Variants in GAB3 observed in about 807,000 individuals in gnomAD.
The protein encoded by GAB3 is GRB2-associated-binding protein 3.
GAB3 carries 12 observed loss-of-function variants against 40.4 expected under a neutral mutation model. That is an observed-to-expected ratio of 0.30 (90% CI 0.19 to 0.48). The LOEUF is 0.48. Among genes scored for constraint, GAB3 ranks in the 20% least tolerant of loss-of-function variants. The probability of loss-of-function intolerance (pLI) is 0.99; values close to 1 mark genes in which losing one functional copy is unlikely to be tolerated. For synonymous variants in GAB3, 154 were observed against 176.7 expected (o/e 0.87, Z 1.02); for missense variants, 381 against 461.9 (o/e 0.82, Z 1.61).
chrX:154,730,013 C>T (rs2071269473), intron 1 of GAB3, among the ~76,000 whole-genome samples: 1 of 112,453 alleles, frequency 8.9e-6, no homozygotes, highest in African/African-American at 3.2e-5. Flanking sequence ...AGTTTTCAAG[C>T]TGGTTGCTCC....
chrX:154,690,826 T>G, intron 8 of GAB3, among the ~76,000 whole-genome samples: 1 of 108,909 alleles, frequency 9.2e-6, no homozygotes, highest in Non-Finnish European at 1.9e-5. Flanking sequence ...GGTGGGACTG[T>G]AAACTAGTTC....
intron 5 of GAB3, 48 bp from the exon 6 acceptor site, chrX:154,699,561 A>G (rs782299662): frequency 9.2e-7 from 1 of 1,081,855 alleles, no homozygotes; most frequent in Non-Finnish European, 1.3e-6. Flanking sequence ...AGTCATGGAA[A>G]CTGCTATCAG....
intron 8 of GAB3, among the ~76,000 whole-genome samples, chrX:154,683,230 C>T (rs2070399056): frequency 9.0e-6 from 1 of 111,264 alleles, no homozygotes; most frequent in African/African-American, 3.3e-5. Context: ...CTTGAGTAAC[C>T]CCCAATATTA....
chrX:154,695,857 A>G, intron 8 of GAB3, 60 bp downstream of exon 8: 1 of 661,260 alleles, frequency 1.5e-6, no homozygotes, highest in Non-Finnish European at 2.4e-6. Flanking sequence ...CTTTACAATG[A>G]GCTCATAAGA....
intron 1 of GAB3, among the ~76,000 whole-genome samples, chrX:154,716,570 C>T (rs2071049935): frequency 8.9e-6 from 1 of 112,441 alleles, no homozygotes; most frequent in Admixed American, 9.4e-5. Context: ...TTTGAAGGGC[C>T]AGAATTATAC....
At chrX:154,719,781 A>G (rs1557258349) in intron 1 of GAB3, among the ~76,000 whole-genome samples, 1 of 111,941 alleles carries the variant, frequency 8.9e-6, no homozygotes, top group East Asian at 2.8e-4. Flanking sequence ...CCAGGCTTAC[A>G]GGCTTCTGGA....
chrX:154,751,168 G>C (rs2071611005), upstream of GAB3: 2 of 516,228 alleles, frequency 3.9e-6, no homozygotes, highest in Non-Finnish European at 4.7e-6. Flanking sequence ...GCCTCCGGCC[G>C]CCGCGGCCCC....
intron 1 of GAB3, among the ~76,000 whole-genome samples, chrX:154,739,041 A>C (rs1468767803): frequency 8.9e-6 from 1 of 112,127 alleles, no homozygotes; most frequent in Non-Finnish European, 1.9e-5. Flanking sequence ...GGCAGATCCC[A>C]CAACAGTATT....
chrX:154,685,758 C>T (rs2070439953), intron 8 of GAB3, among the ~76,000 whole-genome samples: 1 of 111,537 alleles, frequency 9.0e-6, no homozygotes, highest in East Asian at 2.8e-4. Context: ...ATAAAAAACC[C>T]GTACATATAT....
At chrX:154,739,235 T>C (rs2071403924) in intron 1 of GAB3, among the ~76,000 whole-genome samples, 1 of 112,032 alleles carries the variant, frequency 8.9e-6, no homozygotes, top group South Asian at 3.7e-4. Context: ...CAGAAGCTGC[T>C]TTTACATATT....
intron 6 of GAB3, among the ~76,000 whole-genome samples, chrX:154,697,630 C>A (rs1452133415): frequency 8.9e-6 from 1 of 111,935 alleles, no homozygotes; most frequent in Non-Finnish European, 1.9e-5. Context: ...TCCCCACCTA[C>A]AATCCATTGT....
chrX:154,701,026 T>A (rs979462900), intron 4 of GAB3, among the ~76,000 whole-genome samples: 1 of 111,878 alleles, frequency 8.9e-6, no homozygotes, highest in Non-Finnish European at 1.9e-5. Flanking sequence ...TGCTTACATA[T>A]GTTTAAAGAT....
At chrX:154,680,387 C>T in intron 8 of GAB3, 139 bp from the exon 9 acceptor site, 1 of 394,355 alleles carries the variant, frequency 2.5e-6, no homozygotes, top group Non-Finnish European at 4.4e-6. Context: ...AGTCAATCAG[C>T]CTGCATATCT....
chrX:154,702,370 A>T (rs1452435222), intron 4 of GAB3, among the ~76,000 whole-genome samples: 2 of 112,699 alleles, frequency 1.8e-5, no homozygotes, highest in Non-Finnish European at 3.8e-5. Context: ...ATCTAAATGG[A>T]TTAAACACTT....
intron 4 of GAB3, 22 bp downstream of exon 4, chrX:154,712,207 A>G (rs782577195): frequency 4.0e-5 from 45 of 1,116,102 alleles, no homozygotes; most frequent in Non-Finnish European, 5.3e-5. Context: ...TTGGCGCCTG[A>G]ATCTTAGGAC....
At chrX:154,703,235 G>A (rs2070762483) in intron 4 of GAB3, among the ~76,000 whole-genome samples, 2 of 111,967 alleles carry the variant, frequency 1.8e-5, no homozygotes, top group South Asian at 7.4e-4. Context: ...CAATAGCAAA[G>A]ACATGGAATC....
chrX:154,751,125 C>G, upstream of GAB3: 1 of 719,443 alleles, frequency 1.4e-6, no homozygotes, highest in Non-Finnish European at 1.6e-6. Context: ...GCCCGCCCGC[C>G]CAGCGCCGCC....
chrX:154,741,746 G>A (rs1286886323), intron 1 of GAB3, among the ~76,000 whole-genome samples: 9 of 110,325 alleles, frequency 8.2e-5, no homozygotes, highest in African/African-American at 3.0e-4. Context: ...TTGCTGGGGA[G>A]GCCTCAGGAA....
At chrX:154,689,758 A>G (rs1170637656) in intron 8 of GAB3, among the ~76,000 whole-genome samples, 21 of 109,226 alleles carry the variant, frequency 1.9e-4, no homozygotes, top group Non-Finnish European at 4.0e-4. Flanking sequence ...TGCTCAAGGA[A>G]ATAAAAGAGG....
Sources: gnomAD v4.1 joint callset for allele counts (sites outside exome capture counted in the v4.1 genomes callset) on GRCh38, gnomAD v4.1.1 for gene constraint, MANE v1.5 for transcripts, NCBI Gene and HGNC (gene_info 2026-07-23, HGNC 2026-07-21) for gene names.